ASTN1: variants seen among roughly 807,000 people sequenced by gnomAD.
ASTN1 encodes the protein astrotactin-1.
In ASTN1, 41 loss-of-function variants were observed where a neutral mutation model predicts 140.7. The observed-to-expected ratio is 0.29, with a 90% CI of 0.23 to 0.38. The LOEUF is 0.38. Among genes scored for constraint, ASTN1 ranks in the 10% least tolerant of loss-of-function variants. ASTN1 has a pLI of 1.00. For synonymous variants in ASTN1, 640 were observed against 652.2 expected, an observed-to-expected ratio of 0.98 and a Z score of 0.29; for missense variants, 1,479 against 1,678.8, an observed-to-expected ratio of 0.88 and a Z score of 2.08.
chr1:177,104,560 C>T (rs182179625), intron 1 of ASTN1, among the ~76,000 whole-genome samples: 5 of 152,214 alleles, frequency 3.3e-5, no homozygotes, highest in African/African-American at 1.2e-4. Flanking sequence ...TCCCCACATA[C>T]GTTCACCAAA....
intron 1 of ASTN1, among the ~76,000 whole-genome samples, chr1:177,133,277 T>C (rs1028191573): frequency 1.1e-4 from 17 of 152,256 alleles, no homozygotes; most frequent in African/African-American, 4.1e-4. Context: ...ATCAGAGTAG[T>C]TGAGTAACTG....
At chr1:177,038,712 T>C (rs1676841711) in intron 2 of ASTN1, among the ~76,000 whole-genome samples, 1 of 152,226 alleles carries the variant, frequency 6.6e-6, no homozygotes, top group Non-Finnish European at 1.5e-5. Flanking sequence ...AGGCATTTTT[T>C]TTCAGTGGTC....
At chr1:176,929,187 C>T (rs927039331) in intron 16 of ASTN1, among the ~76,000 whole-genome samples, 4 of 152,166 alleles carry the variant, frequency 2.6e-5, no homozygotes, top group African/African-American at 4.8e-5. Flanking sequence ...AAATGGCTCC[C>T]ATAGTCCTAA....
rs953576694 is a variant in ASTN1, at chr1:176,953,646, G to A, written c.1887+4032C>T. Among the ~76,000 whole-genome samples the A allele has an allele frequency of 5.3e-5, 8 of 152,276 alleles. No homozygotes were observed. The East Asian group carries it at 1.2e-3, about 22-fold the overall frequency. ...GAGATGGTAATCTGTGATGGTCTCC[G>A]CACATCTGTGCTCCAGTAGAGGTGA... is the stretch of plus-strand genomic sequence containing the variant. On this transcript the variant is annotated intron_variant, in intron 11 of 22. Coordinates refer to ENST00000361833, the MANE Select transcript of ASTN1 (RefSeq NM_004319.3).
At chr1:177,031,041 A>C (rs1457100756) in intron 3 of ASTN1, 89 bp from the exon 4 acceptor site, 1 of 1,377,706 alleles carries the variant, frequency 7.3e-7, no homozygotes, top group Non-Finnish European at 9.8e-7. Flanking sequence ...CAAGAAGATA[A>C]GGTCTCACAG....
At chr1:177,078,874 C>G (rs913893362) in intron 1 of ASTN1, among the ~76,000 whole-genome samples, 2 of 152,076 alleles carry the variant, frequency 1.3e-5, no homozygotes, top group East Asian at 3.9e-4. Flanking sequence ...ATGCACTGTA[C>G]ATGACAGCCA....
intron 2 of ASTN1, 44 bp from the exon 3 acceptor site, chr1:177,032,893 C>T (rs1271957824): frequency 8.5e-6 from 13 of 1,524,330 alleles, no homozygotes; most frequent in Non-Finnish European, 1.1e-5. Context: ...GATGGGTAGG[C>T]TCTTCCCACA....
rs571021956 is a variant in ASTN1 at position 177,097,592 on chromosome 1, G to A, written c.284-36327C>T. 5.3e-5 allele frequency among the ~76,000 whole-genome samples: 8 copies of A among 152,170 alleles called. No homozygotes were observed. The East Asian group carries it at 1.5e-3, about 29-fold the overall frequency. On this transcript the variant is annotated intron_variant, in intron 1 of 22. Coordinates refer to ENST00000361833, the MANE Select transcript of ASTN1 (RefSeq NM_004319.3). ...CTGGCATAAAGCTCCTAAACCCTTG[G>A]AATTTCCTTAATGATAAGGGTAAGA...
chr1:177,127,619 T>C (rs1681719482), intron 1 of ASTN1, among the ~76,000 whole-genome samples: 1 of 152,168 alleles, frequency 6.6e-6, no homozygotes, highest in African/African-American at 2.4e-5. Flanking sequence ...TGTCCTTCAA[T>C]GGAAGGTGAC....
At chr1:177,056,560 T>G (rs1677815024) in intron 2 of ASTN1, among the ~76,000 whole-genome samples, 1 of 143,428 alleles carries the variant, frequency 7.0e-6, no homozygotes, top group African/African-American at 2.7e-5. Flanking sequence ...ACAGAAAAAT[T>G]TCATATATAT....
intron 8 of ASTN1, among the ~76,000 whole-genome samples, chr1:176,986,305 G>C (rs182868505): frequency 1.3e-5 from 2 of 152,188 alleles, no homozygotes; most frequent in Non-Finnish European, 2.9e-5. Context: ...AAATGTTGCA[G>C]AGAGGTAATG....
At chr1:177,033,939 A>G (rs73045489) in intron 2 of ASTN1, among the ~76,000 whole-genome samples, 3,262 of 151,906 alleles carry the variant, frequency 0.021, 125 homozygotes, top group African/African-American at 0.073. Flanking sequence ...CACAATCTCT[A>G]TTCACTCCCT....
rs764080068 is a variant in ASTN1, at chr1:176,957,801, G to A, written c.1764C>T (p.Phe588=). ...VREELMTSSS[F]DSLEVLLDSF... ...AATCTAAGAGAACCTCCAGGCTGTCGAAGGAGGATGAAGTCATCAGCTCCT... is the reference window on the plus strand; with the variant it reads ...AATCTAAGAGAACCTCCAGGCTGTCAAAGGAGGATGAAGTCATCAGCTCCT... The change falls in exon 11 of 23, where the codon TTC becomes TTT. Residue 588 remains phenylalanine, a synonymous_variant. Coordinates refer to ENST00000361833, the MANE Select transcript of ASTN1 (RefSeq NM_004319.3). 15 of 1,613,822 alleles carry A rather than the reference G, an allele frequency of 9.3e-6. No individual in the cohort carries two copies. The highest frequency in any genetic ancestry group is 8.0e-5 in the African/African-American group (6 of 74,908).
At chr1:176,991,945 C>A (rs544341426) in intron 8 of ASTN1, among the ~76,000 whole-genome samples, 1 of 152,114 alleles carries the variant, frequency 6.6e-6, no homozygotes, top group South Asian at 2.1e-4. Flanking sequence ...TCCCCTAGGC[C>A]AAAATAAGTA....
intron 16 of ASTN1, among the ~76,000 whole-genome samples, chr1:176,895,157 AT>A (rs1472740273): frequency 6.6e-6 from 1 of 152,224 alleles, no homozygotes; most frequent in Non-Finnish European, 1.5e-5. Flanking sequence ...CTATGACTCA[AT>A]TTCTTCATCT....
Position 177,024,707 on chromosome 1 carries a change from A to C in ASTN1, c.1146T>G (p.Asn382Lys), listed in dbSNP as rs1366583389. 3.1e-6 allele frequency: 5 copies of C among 1,613,926 alleles called. No individual in the cohort carries two copies. Among genetic ancestry groups the C allele is most frequent in the Non-Finnish European group, 4.2e-6 (5 of 1,179,950 alleles). Residue 382 changes from asparagine (N) to lysine (K), a missense_variant, in exon 6 of 23, where the codon AAT (asparagine) becomes AAG (lysine). By Grantham distance (94) the Asn-to-Lys change is moderately conservative. Coordinates refer to ENST00000361833, the MANE Select transcript of ASTN1 (RefSeq NM_004319.3). ...SRVGSPRSPV[N>K]KTTLTLISIT... The stretch of plus-strand genomic sequence containing the variant: ...TGCTGATCAGGGTCAAGGTGGTCTT[A>C]TTCACAGGACTTCGGGGAGAACCCA...
At chr1:177,091,435 C>A (rs1448122148) in intron 1 of ASTN1, among the ~76,000 whole-genome samples, 1 of 152,162 alleles carries the variant, frequency 6.6e-6, no homozygotes, top group Non-Finnish European at 1.5e-5. Flanking sequence ...GCCCATCTTT[C>A]CAATCTGTCA....
At chr1:176,896,062 T>C (rs1669489607) in intron 16 of ASTN1, among the ~76,000 whole-genome samples, 1 of 152,180 alleles carries the variant, frequency 6.6e-6, no homozygotes, top group Non-Finnish European at 1.5e-5. Context: ...ATATGACTCA[T>C]CGACTTTATA....
chr1:177,023,305 G>A, intron 7 of ASTN1, 99 bp downstream of exon 7: 1 of 1,423,820 alleles, frequency 7.0e-7, no homozygotes, highest in South Asian at 1.3e-5. Context: ...AGATGGCAGT[G>A]GGACGGGGAG....
Sources: gnomAD v4.1 joint callset for allele counts (sites outside exome capture counted in the v4.1 genomes callset) on GRCh38, gnomAD v4.1.1 for gene constraint, MANE v1.5 for transcripts, NCBI Gene and HGNC (gene_info 2026-07-23, HGNC 2026-07-21) for gene names.